GNL1: variants seen among roughly 807,000 people sequenced by gnomAD.
GNL1 encodes guanine nucleotide-binding protein-like 1.
A neutral mutation model predicts 75.2 loss-of-function variants in GNL1; 21 were observed. That is an observed-to-expected ratio of 0.28 (90% CI 0.20 to 0.40). The LOEUF (loss-of-function observed/expected upper bound fraction) is 0.40, where lower values mean the gene tolerates loss of function less well. Among genes scored for constraint, GNL1 ranks in the 10% least tolerant of loss-of-function variants. The pLI, the probability that GNL1 is intolerant of heterozygous loss-of-function variation, is 1.00. For synonymous variants in GNL1, 287 were observed against 303.4 expected (o/e 0.95, Z 0.56); for missense variants, 579 against 775.0 (o/e 0.75, Z 3.00).
rs748408097 is a variant in GNL1, at chr6:30,546,029, A to G, written c.*43T>C. ...GGGGAGATACCCCCAGGTCAGTCCAAAAGCAAAGATACTGGGAGGGAAGAT... is the reference window on the plus strand; with the variant it reads ...GGGGAGATACCCCCAGGTCAGTCCAGAAGCAAAGATACTGGGAGGGAAGAT... On this transcript the variant is annotated 3_prime_UTR_variant, in exon 12 of 12. Coordinates refer to ENST00000376621, the MANE Select transcript of GNL1 (RefSeq NM_005275.5). The surrounding 1 kb of genome is among the most constrained non-coding windows in gnomAD (Gnocchi z 5.1). 6.8e-7 allele frequency: 1 copy of G among 1,476,354 alleles called. No individual in the cohort carries two copies. The highest frequency in any genetic ancestry group is 1.2e-5 in the South Asian group (1 of 83,974). 91.5% of individuals were successfully genotyped at this position (1,476,354 alleles called of 1,614,324 possible).
chr6:30,553,193 G>A lies in GNL1; in HGVS notation c.809-14C>T, dbSNP rs199763857. On this transcript the variant is annotated splice_polypyrimidine_tract_variant and intron_variant, in intron 6 of 11. Coordinates refer to ENST00000376621, the MANE Select transcript of GNL1 (RefSeq NM_005275.5). ...TCTTCTTCAAGACTGAGATCAGAGG[G>A]CACAAAAGGATGGGCACACGGGCTT... The A allele has an allele frequency of 2.9e-5, 46 of 1,593,230 alleles. No homozygotes were observed. In the African/African-American group the frequency reaches 4.0e-4, roughly 14 times the overall value.
chr6:30,552,713 T>C lies in GNL1; in HGVS notation c.905-52A>G. Reference sequence around the variant, plus strand: ...AGGTTCTCCCCAGGGCTGCTGTGCATGATGGCACATACTGTGCCCTGCACA... The same window carrying C: ...AGGTTCTCCCCAGGGCTGCTGTGCACGATGGCACATACTGTGCCCTGCACA... On this transcript the variant is annotated intron_variant, in intron 7 of 11. Coordinates refer to ENST00000376621, the MANE Select transcript of GNL1 (RefSeq NM_005275.5). This position sits in a 1 kb window ranked among gnomAD's most constrained non-coding sequence, Gnocchi z 4.5. 6.6e-7 allele frequency: 1 copy of C among 1,505,720 alleles called. No homozygotes were observed. The highest frequency in any genetic ancestry group is 2.3e-5 in the East Asian group (1 of 44,250). The allele number at this position is 1,505,720 out of a possible 1,614,324, so 93.3% of individuals were successfully genotyped here.
chr6:30,546,253 G>T lies in GNL1; in HGVS notation c.1643C>A (p.Pro548Gln). The change falls in exon 12 of 12, where the codon CCA becomes CAA. Residue 548 changes from proline (P) to glutamine (Q), a missense_variant. Transcript: ENST00000376621. This position sits in a 1 kb window ranked among gnomAD's most constrained non-coding sequence, Gnocchi z 5.1. ...ELVVLQGRVGPAGDEEEEEEE... is the reference protein window; with the variant it reads ...ELVVLQGRVGQAGDEEEEEEE... ...TTCCTCCTCCTCCTCGTCACCTGCT[G>T]GCCCCACCCTGCCCTGCAAAACCAC... 1 of 1,589,770 alleles carries T rather than the reference G, an allele frequency of 6.3e-7. No individual in the cohort carries two copies. The highest frequency in any genetic ancestry group is 8.6e-7 in the Non-Finnish European group (1 of 1,166,656).
chr6:30,556,030 A>C lies in GNL1; in HGVS notation c.73+101T>G. The stretch of plus-strand genomic sequence containing the variant: ...AGGCCGCGAGGGTTGACGCGGTCCC[A>C]CGACCCCCTCCCACGATCCCCAGAG... On this transcript the variant is annotated intron_variant, in intron 1 of 11. Transcript: ENST00000376621. This position sits in a 1 kb window ranked among gnomAD's most constrained non-coding sequence, Gnocchi z 5.7. 1 of 1,437,430 alleles carries C rather than the reference A, an allele frequency of 7.0e-7. No individual in the cohort carries two copies. The highest frequency in any genetic ancestry group is 9.6e-7 in the Non-Finnish European group (1 of 1,040,060). 89.0% of individuals were successfully genotyped at this position (1,437,430 alleles called of 1,614,324 possible). A position where few individuals can be genotyped will look rare whatever the true frequency, so the allele number is the denominator to read the frequency against.
chr6:30,553,439 T>C lies in GNL1; in HGVS notation c.719A>G (p.His240Arg), dbSNP rs772999660. The change falls in exon 6 of 12, where the codon CAT (histidine) becomes CGT (arginine). Residue 240 changes from histidine to arginine, a missense_variant. Transcript: ENST00000376621. ...CTGGGGATAGTGTTGATGGAAATAA[T>C]GCTTCCAGGCAACCACAAGAGCTGG... ...APPALVVAWK[H>R]YFHQHYPQLH... The C allele has an allele frequency of 1.9e-6, 3 of 1,612,906 alleles. No homozygotes were observed. The highest frequency in any genetic ancestry group is 2.5e-6 in the Non-Finnish European group (3 of 1,180,020).
At chr6:30,554,693 C>A (rs1035629767) in intron 4 of GNL1, 47 bp from the exon 5 acceptor site, 28 of 1,591,974 alleles carry the variant, frequency 1.8e-5, no homozygotes, top group Non-Finnish European at 2.1e-5. Context: ...GAGTCCCTCT[C>A]CAGCCTGATC....
At position 30,546,238 on chromosome 6, in the gene GNL1, T is replaced by C; in HGVS notation, c.1658A>G (p.Glu553Gly). 6.3e-7 allele frequency: 1 copy of C among 1,577,476 alleles called. No individual in the cohort carries two copies. Among genetic ancestry groups the C allele is most frequent in the Admixed American group, 1.8e-5 (1 of 55,250 alleles). ...GCTCAGCTCTTCCTCTTCCTCCTCC[T>C]CCTCGTCACCTGCTGGCCCCACCCT... is the stretch of plus-strand genomic sequence containing the variant. ...QGRVGPAGDE[E>G]EEEEEELSSS... The change falls in exon 12 of 12, where the codon GAG (glutamate) becomes GGG (glycine). Residue 553 changes from glutamate to glycine, a missense_variant. Transcript: ENST00000376621. The surrounding 1 kb of genome is among the most constrained non-coding windows in gnomAD (Gnocchi z 5.1).
Position 30,546,377 on chromosome 6 carries a change from G to C in GNL1, c.1583-64C>G, listed in dbSNP as rs765605700. ...TGAGCAAGAACTAAAGCCAAGGAAA[G>C]ATGGGGAAGAGGCAAAGACTAGGAA... On this transcript the variant is annotated intron_variant, in intron 11 of 11. Transcript: ENST00000376621. The surrounding 1 kb of genome is among the most constrained non-coding windows in gnomAD (Gnocchi z 5.1). The C allele has an allele frequency of 1.4e-4, 134 of 981,348 alleles. No individual in the cohort carries two copies. Among genetic ancestry groups the C allele is most frequent in the Non-Finnish European group, 1.8e-4 (119 of 644,484 alleles). The allele number at this position is 981,348 out of a possible 1,614,324, so 60.8% of individuals were successfully genotyped here.
At position 30,555,351 on chromosome 6, in the gene GNL1, C is replaced by T. The variant is rs1482291810; in HGVS notation, c.240-160G>A. Among the ~76,000 whole-genome samples the T allele has an allele frequency of 6.6e-6, 1 of 150,450 alleles. No homozygotes were observed. Among genetic ancestry groups the T allele is most frequent in the Admixed American group, 6.6e-5 (1 of 15,068 alleles). ...CCCCAAGTCCTTCTTTCAGGCAATA[C>T]TCAGCCTTCTCCTTCTAAAAGCCCA... On this transcript the variant is annotated intron_variant, in intron 2 of 11. Transcript: ENST00000376621. This position sits in a 1 kb window ranked among gnomAD's most constrained non-coding sequence, Gnocchi z 4.3.
At position 30,543,143 on chromosome 6, in the gene GNL1, A is replaced by G. The variant is rs1052439502; in HGVS notation, c.*2929T>C. 5 of 152,150 alleles carry G rather than the reference A, an allele frequency of 3.3e-5. No homozygotes were observed. The highest frequency in any genetic ancestry group is 2.0e-4 in the Admixed American group (3 of 15,270). 9.4% of individuals were successfully genotyped at this position (152,150 alleles called of 1,614,324 possible). ...CACCAAGACCAGCTTAACTGCCCCT[A>G]CTGGCTGTTCCTATAGCAATTCTTT... On this transcript the variant is annotated 3_prime_UTR_variant, in exon 12 of 12. Transcript: ENST00000376621.
rs1799547513 is a variant in GNL1, at chr6:30,547,944, G to A, written c.1100-414C>T. ...CAGCGTGATTACTTTGGGAGGCCAA[G>A]GCGGGTGGATCACCTGAGGTCAGGA... On this transcript the variant is annotated intron_variant, in intron 8 of 11. Coordinates refer to ENST00000376621, the MANE Select transcript of GNL1 (RefSeq NM_005275.5). This position sits in a 1 kb window ranked among gnomAD's most constrained non-coding sequence, Gnocchi z 5.5. The A allele has an allele frequency of 5.6e-6, 1 of 177,422 alleles. No individual in the cohort carries two copies. The highest frequency in any genetic ancestry group is 2.4e-5 in the African/African-American group (1 of 41,972). The allele number at this position is 177,422 out of a possible 1,614,324, so 11.0% of individuals were successfully genotyped here.
Position 30,547,661 on chromosome 6 carries a change from G to GCT in GNL1, c.1100-133_1100-132dup. Reference sequence around the variant, plus strand: ...AATGGTATTGCAGAATACAAATCACGCTCTGGGCTGCCAGGGTTAAATCCT... The same window carrying GCT: ...AATGGTATTGCAGAATACAAATCACGCTCTCTGGGCTGCCAGGGTTAAATCCT... On this transcript the variant is annotated intron_variant, in intron 8 of 11. Coordinates refer to ENST00000376621, the MANE Select transcript of GNL1 (RefSeq NM_005275.5). This position sits in a 1 kb window ranked among gnomAD's most constrained non-coding sequence, Gnocchi z 5.5. 1 of 765,760 alleles carries GCT rather than the reference G, an allele frequency of 1.3e-6. No individual in the cohort carries two copies. The highest frequency in any genetic ancestry group is 2.1e-6 in the Non-Finnish European group (1 of 473,070). 47.4% of individuals were successfully genotyped at this position (765,760 alleles called of 1,614,324 possible).
Position 30,556,328 on chromosome 6 carries a change from C to G in GNL1, c.-125G>C. The G allele has an allele frequency of 9.1e-7, 1 of 1,103,572 alleles. No homozygotes were observed. Among genetic ancestry groups the G allele is most frequent in the Non-Finnish European group, 1.3e-6 (1 of 758,340 alleles). The allele number at this position is 1,103,572 out of a possible 1,614,324, so 68.4% of individuals were successfully genotyped here. A position where few individuals can be genotyped will look rare whatever the true frequency, so the allele number is the denominator to read the frequency against. On this transcript the variant is annotated 5_prime_UTR_variant, in exon 1 of 12. Transcript: ENST00000376621. The surrounding 1 kb of genome is among the most constrained non-coding windows in gnomAD (Gnocchi z 5.7). Reference sequence around the variant, plus strand: ...AGGAGGCGGGGCTAGCAGGTGACGTCAGCGGGCGGGCCCGACAGAATTACC... The same window carrying G: ...AGGAGGCGGGGCTAGCAGGTGACGTGAGCGGGCGGGCCCGACAGAATTACC...
At position 30,553,407 on chromosome 6, in the gene GNL1, C is replaced by T. The variant is rs747055154; in HGVS notation, c.751G>A (p.Val251Ile). ...YFHQHYPQLH[V>I]VLFTSFPRDP... ...CGAGGAAAAGAGGTGAAAAGGACGA[C>T]GTGGAGCTGGGGATAGTGTTGATGG... The change falls in exon 6 of 12, where the codon GTC becomes ATC. Residue 251 changes from valine (V) to isoleucine (I), a missense_variant. Coordinates refer to ENST00000376621, the MANE Select transcript of GNL1 (RefSeq NM_005275.5). The T allele has an allele frequency of 7.3e-5, 118 of 1,612,838 alleles. No individual in the cohort carries two copies. Among genetic ancestry groups the T allele is most frequent in the Middle Eastern group, 3.4e-4 (2 of 5,920 alleles).
Position 30,556,336 on chromosome 6 carries a change from GGGCCC to G in GNL1, c.-138_-134del. 1 of 991,212 alleles carries G rather than the reference GGGCCC, an allele frequency of 1.0e-6. No homozygotes were observed. The highest frequency in any genetic ancestry group is 1.5e-6 in the Non-Finnish European group (1 of 662,902). The allele number at this position is 991,212 out of a possible 1,614,324, so 61.4% of individuals were successfully genotyped here. A position where few individuals can be genotyped will look rare whatever the true frequency, so the allele number is the denominator to read the frequency against. The stretch of plus-strand genomic sequence containing the variant: ...GGGCTAGCAGGTGACGTCAGCGGGC[GGGCCC>G]GACAGAATTACCGCCGCGGCGGCGA... On this transcript the variant is annotated 5_prime_UTR_variant, in exon 1 of 12. Transcript: ENST00000376621. The surrounding 1 kb of genome is among the most constrained non-coding windows in gnomAD (Gnocchi z 5.7).
At chr6:30,549,617 A>G (rs1799649441) in intron 8 of GNL1, among the ~76,000 whole-genome samples, 1 of 152,052 alleles carries the variant, frequency 6.6e-6, no homozygotes, top group Non-Finnish European at 1.5e-5. Context: ...CTGTTCTCTC[A>G]TTTGGCCTGT....
rs906322148 is a variant in GNL1 at position 30,556,430 on chromosome 6, G to T, written c.-227C>A. The stretch of plus-strand genomic sequence containing the variant: ...GGAGCGAGGCGAGAGGATGATGCGG[G>T]GTGGGCTACTGGCACGTGAGAGCCA... On this transcript the variant is annotated 5_prime_UTR_variant, in exon 1 of 12. Transcript: ENST00000376621. This position sits in a 1 kb window ranked among gnomAD's most constrained non-coding sequence, Gnocchi z 5.7. 1.3e-5 allele frequency: 8 copies of T among 595,338 alleles called. No homozygotes were observed. The highest frequency in any genetic ancestry group is 2.4e-5 in the Non-Finnish European group (8 of 337,184). 36.9% of individuals were successfully genotyped at this position (595,338 alleles called of 1,614,324 possible).
Position 30,547,930 on chromosome 6 carries a change from C to A in GNL1, c.1100-400G>T. The A allele has an allele frequency of 5.3e-6, 1 of 187,132 alleles. No individual in the cohort carries two copies. Among genetic ancestry groups the A allele is most frequent in the Non-Finnish European group, 1.1e-5 (1 of 90,956 alleles). 11.6% of individuals were successfully genotyped at this position (187,132 alleles called of 1,614,324 possible). A position where few individuals can be genotyped will look rare whatever the true frequency, so the allele number is the denominator to read the frequency against. On this transcript the variant is annotated intron_variant, in intron 8 of 11. Transcript: ENST00000376621. This position sits in a 1 kb window ranked among gnomAD's most constrained non-coding sequence, Gnocchi z 5.5. ...CACGCTTGTAATCCCAGCGTGATTA[C>A]TTTGGGAGGCCAAGGCGGGTGGATC...
In GNL1 at chr6:30,554,880, C is replaced by T; in HGVS notation, c.412G>A (p.Glu138Lys). The change falls in exon 4 of 12, where the codon GAG becomes AAG. Residue 138 changes from glutamate (E) to lysine (K), a missense_variant. Glu to Lys is a moderately conservative substitution (Grantham distance 56). Coordinates refer to ENST00000376621, the MANE Select transcript of GNL1 (RefSeq NM_005275.5). The stretch of plus-strand genomic sequence containing the variant: ...CTCATTAGTTGCTCCTTGGACATCT[C>T]ATAGCTCCAAGGAGGACGTCGAGGA... ...DFPRRPPWSY[E>K]MSKEQLMSQE... 1 of 1,612,364 alleles carries T rather than the reference C, an allele frequency of 6.2e-7. No individual in the cohort carries two copies. Among genetic ancestry groups the T allele is most frequent in the Non-Finnish European group, 8.5e-7 (1 of 1,179,410 alleles).
Sources: allele counts gnomAD v4.1 joint callset (sites outside exome capture counted in the v4.1 genomes callset), GRCh38; gene constraint gnomAD v4.1.1; non-coding constraint Gnocchi (gnomAD v3.1); transcripts MANE v1.5; gene names NCBI Gene and HGNC (gene_info 2026-07-23, HGNC 2026-07-21).